The following ZNF385D variants were observed in gnomAD, a reference collection of about 807,000 sequenced individuals.
The protein encoded by ZNF385D is zinc finger protein 659.
In ZNF385D, 15 loss-of-function variants were observed where a neutral mutation model predicts 35.8. That is an observed-to-expected ratio of 0.42 (90% CI 0.28 to 0.64). The LOEUF (loss-of-function observed/expected upper bound fraction) is 0.64. Ranked by LOEUF, ZNF385D falls within the 30% of genes least tolerant of loss-of-function variation. The pLI is 0.23. For missense variants in ZNF385D, 474 were observed against 494.6 expected (o/e 0.96, Z 0.39); for synonymous variants, 212 against 186.8 (o/e 1.13, Z -1.10).
At chr3:22,050,527 T>G (rs1559334349) in intron 3 of ZNF385D, among the ~76,000 whole-genome samples, 1 of 152,212 alleles carries the variant, frequency 6.6e-6, no homozygotes, top group Admixed American at 6.5e-5. Context: ...TTGTTCTTTA[T>G]TGGTCTGTTA....
intron 3 of ZNF385D, among the ~76,000 whole-genome samples, chr3:22,155,060 T>C (rs914956313): frequency 3.3e-5 from 5 of 152,148 alleles, no homozygotes; most frequent in African/African-American, 4.8e-5. Flanking sequence ...ATTGATCTTA[T>C]GTGAAGGACA....
intron 3 of ZNF385D, among the ~76,000 whole-genome samples, chr3:22,127,317 C>CTTTTTTTTTTTTTTTTTTT (rs71044975): frequency 1.8e-5 from 1 of 56,308 alleles, no homozygotes. Flanking sequence ...TCATTTCCTG[C>CTTTTTTTTTTTTTTTTTTT]TTTTTTTTTT....
At chr3:21,751,581 G>T, upstream of ZNF385D, 1 of 320,794 alleles carries the variant, frequency 3.1e-6, no homozygotes, top group Non-Finnish European at 4.5e-6. Context: ...GAGGGATGGT[G>T]CCGTGCTTGC....
At chr3:21,459,795 C>G (rs1404715770) in intron 4 of ZNF385D, among the ~76,000 whole-genome samples, 1 of 152,166 alleles carries the variant, frequency 6.6e-6, no homozygotes, top group Non-Finnish European at 1.5e-5. Flanking sequence ...GGAATATTTG[C>G]TTCAAATTGC....
intron 2 of ZNF385D, among the ~76,000 whole-genome samples, chr3:22,344,615 T>C (rs1205062593): frequency 6.6e-6 from 1 of 151,922 alleles, no homozygotes; most frequent in African/African-American, 2.4e-5. Flanking sequence ...AGAGAAGGGG[T>C]TTTGCCATGT....
At chr3:21,965,948 G>T (rs1422926834) in intron 3 of ZNF385D, among the ~76,000 whole-genome samples, 1 of 152,076 alleles carries the variant, frequency 6.6e-6, no homozygotes, top group African/African-American at 2.4e-5. Flanking sequence ...AGAGTTCTTT[G>T]TACTATTCTT....
intron 3 of ZNF385D, among the ~76,000 whole-genome samples, chr3:22,023,449 T>A (rs1343798506): frequency 6.6e-6 from 1 of 152,146 alleles, no homozygotes; most frequent in East Asian, 1.9e-4. Context: ...AGGATCACAC[T>A]GAGAAACTAA....
intron 3 of ZNF385D, among the ~76,000 whole-genome samples, chr3:22,049,696 C>A (rs1699228195): frequency 6.6e-6 from 1 of 152,000 alleles, no homozygotes; most frequent in Non-Finnish European, 1.5e-5. Flanking sequence ...TCTTTCTATA[C>A]CTTATTTATT....
intron 2 of ZNF385D, among the ~76,000 whole-genome samples, chr3:22,318,371 C>A (rs1293371000): frequency 6.6e-6 from 1 of 152,054 alleles, no homozygotes; most frequent in Non-Finnish European, 1.5e-5. Context: ...ATGAAGAGAG[C>A]AAACATCAGA....
chr3:21,552,635 A>G (rs184321532), intron 3 of ZNF385D, among the ~76,000 whole-genome samples: 3 of 152,314 alleles, frequency 2.0e-5, no homozygotes, highest in East Asian at 1.9e-4. Flanking sequence ...TATAAGGGCA[A>G]TTTATTCATA....
chr3:21,915,868 A>G (rs891619473), intron 3 of ZNF385D, among the ~76,000 whole-genome samples: 7 of 152,162 alleles, frequency 4.6e-5, no homozygotes, highest in African/African-American at 1.7e-4. Flanking sequence ...TTTACCAAAC[A>G]CGGCAAAAAT....
At chr3:22,133,107 T>C (rs1703896726) in intron 3 of ZNF385D, among the ~76,000 whole-genome samples, 1 of 152,140 alleles carries the variant, frequency 6.6e-6, no homozygotes, top group Admixed American at 6.6e-5. Context: ...TCTCTTTTAA[T>C]AAAAATAAAG....
chr3:21,872,774 C>T (rs1464238100), intron 3 of ZNF385D, among the ~76,000 whole-genome samples: 1 of 152,080 alleles, frequency 6.6e-6, no homozygotes, highest in African/African-American at 2.4e-5. Context: ...CAGCAAATTT[C>T]CCAGCCGCTA....
At chr3:21,708,861 GCACACACA>G (rs34469159) in intron 1 of ZNF385D, among the ~76,000 whole-genome samples, 4 of 148,274 alleles carry the variant, frequency 2.7e-5, no homozygotes, top group Non-Finnish European at 4.5e-5. Context: ...GTGTGGGCGT[GCACACACA>G]CACACACACA....
intron 3 of ZNF385D, among the ~76,000 whole-genome samples, chr3:21,983,113 T>C (rs901518545): frequency 4.1e-5 from 6 of 147,390 alleles, no homozygotes; most frequent in Non-Finnish European, 7.6e-5. Flanking sequence ...ATAGAATGAA[T>C]TGGGGAGGAG....
At chr3:21,819,289 A>G (rs1356855644) in intron 3 of ZNF385D, among the ~76,000 whole-genome samples, 1 of 151,880 alleles carries the variant, frequency 6.6e-6, no homozygotes, top group Non-Finnish European at 1.5e-5. Context: ...CAATGTAAAT[A>G]GACTAAGCTC....
chr3:21,443,629 A>C (rs145895738), intron 4 of ZNF385D, among the ~76,000 whole-genome samples: 44 of 152,302 alleles, frequency 2.9e-4, no homozygotes, highest in African/African-American at 9.6e-4. Context: ...AACTGATTTC[A>C]CTGTGTCTCT....
chr3:22,315,953 C>T (rs1703864321), intron 2 of ZNF385D, among the ~76,000 whole-genome samples: 2 of 152,170 alleles, frequency 1.3e-5, no homozygotes, highest in South Asian at 4.1e-4. Flanking sequence ...CTTACTGCTA[C>T]AGTCATGTAG....
At chr3:22,111,378 G>T (rs1032888527) in intron 3 of ZNF385D, among the ~76,000 whole-genome samples, 1 of 151,898 alleles carries the variant, frequency 6.6e-6, no homozygotes, top group African/African-American at 2.4e-5. Context: ...GATGCTAGCA[G>T]AGCAGTAATC....
Sources: allele counts gnomAD v4.1 joint callset (sites outside exome capture counted in the v4.1 genomes callset), GRCh38; gene constraint gnomAD v4.1.1; transcripts MANE v1.5; gene names NCBI Gene and HGNC (gene_info 2026-07-23, HGNC 2026-07-21).